ULK2: variants seen among roughly 807,000 people sequenced by gnomAD.
ULK2 encodes unc-51 like autophagy activating kinase 2.
A neutral mutation model predicts 127.5 loss-of-function variants in ULK2; 76 were observed. The ratio of observed to expected loss-of-function variants is 0.60; its 90% CI spans 0.50 to 0.72. ULK2 has a LOEUF of 0.72. ULK2 is among the 30% of genes least tolerant of loss of function. The pLI, the probability that ULK2 is intolerant of heterozygous loss-of-function variation, is 0.00. For synonymous variants in ULK2, 452 were observed against 461.9 expected (o/e 0.98, Z 0.28); for missense variants, 1,144 against 1,295.9 (o/e 0.88, Z 1.80).
chr17:19,829,922 C>T (rs185639355), intron 10 of ULK2, among the ~76,000 whole-genome samples: 1 of 151,772 alleles, frequency 6.6e-6, no homozygotes, highest in African/African-American at 2.4e-5. Context: ...CAATCAGAGC[C>T]CCAAAATACA....
At chr17:19,807,344 G>A (rs1169741886) in intron 14 of ULK2, among the ~76,000 whole-genome samples, 1 of 152,166 alleles carries the variant, frequency 6.6e-6, no homozygotes, top group South Asian at 2.1e-4. Flanking sequence ...AATCAGAAGG[G>A]TAGAAATCCA....
chr17:19,788,542 G>T lies in ULK2; in HGVS notation c.2102-2456C>A, dbSNP rs138600046. On this transcript the variant is annotated intron_variant, in intron 20 of 26. Transcript: ENST00000395544. Reference sequence around the variant, plus strand: ...ATCACCTGCTGACTGAAGAGTCCTCGGGCCCTGAATAACCAATAATACTAC... The same window carrying T: ...ATCACCTGCTGACTGAAGAGTCCTCTGGCCCTGAATAACCAATAATACTAC... 2.0e-3 allele frequency among the ~76,000 whole-genome samples: 307 copies of T among 151,840 alleles called. 2 individuals are homozygous for T. Among genetic ancestry groups the T allele is most frequent in the African/African-American group, 7.2e-3 (297 of 41,412 alleles).
At chr17:19,832,645 C>T (rs1304973426) in intron 10 of ULK2, among the ~76,000 whole-genome samples, 1 of 152,110 alleles carries the variant, frequency 6.6e-6, no homozygotes, top group African/African-American at 2.4e-5. Flanking sequence ...CAAAGCACCA[C>T]CTTTGACCAA....
chr17:19,809,962 T>C (rs1373921163), intron 14 of ULK2, among the ~76,000 whole-genome samples: 1 of 151,336 alleles, frequency 6.6e-6, no homozygotes, highest in Non-Finnish European at 1.5e-5. Flanking sequence ...CAGGGTGCGG[T>C]GGCTCACGCC....
chr17:19,826,972 G>C (rs918921573), intron 10 of ULK2, among the ~76,000 whole-genome samples: 2 of 146,272 alleles, frequency 1.4e-5, no homozygotes, highest in African/African-American at 5.1e-5. Context: ...AAAAAAAAAA[G>C]AAACTACAAA....
intron 20 of ULK2, 119 bp from the exon 21 acceptor site, chr17:19,786,205 T>G: frequency 1.1e-6 from 1 of 874,850 alleles, no homozygotes; most frequent in Non-Finnish European, 1.6e-6. Context: ...TTTTTTTCCC[T>G]CTTCTTACAA....
At chr17:19,790,664 T>C (rs116758817) in intron 20 of ULK2, among the ~76,000 whole-genome samples, 1,763 of 152,036 alleles carry the variant, frequency 0.012, 35 homozygotes, top group African/African-American at 0.04. Flanking sequence ...AATACAAACA[T>C]TGAATATAAA....
chr17:19,780,346 G>A, intron 25 of ULK2, 126 bp downstream of exon 25: 1 of 788,940 alleles, frequency 1.3e-6, no homozygotes, highest in Non-Finnish European at 1.8e-6. Context: ...TTAGTAGAAG[G>A]CAATCCACAA....
chr17:19,835,986 G>A (rs1408872156), intron 10 of ULK2, among the ~76,000 whole-genome samples: 1 of 151,784 alleles, frequency 6.6e-6, no homozygotes, highest in African/African-American at 2.4e-5. Context: ...AGCCGACTGG[G>A]CCGCGCCCGG....
chr17:19,780,874 T>C, intron 24 of ULK2, 112 bp downstream of exon 24: 1 of 1,125,864 alleles, frequency 8.9e-7, no homozygotes, highest in South Asian at 1.5e-5. Flanking sequence ...CCTTTAAGAA[T>C]ACTGAAAAAT....
At chr17:19,789,973 C>A (rs1385139896) in intron 20 of ULK2, among the ~76,000 whole-genome samples, 1 of 146,804 alleles carries the variant, frequency 6.8e-6, no homozygotes, top group Admixed American at 6.8e-5. Context: ...TAAACAATGA[C>A]CCGATCAAAA....
chr17:19,838,229 T>C (rs1444336310), intron 10 of ULK2, among the ~76,000 whole-genome samples: 1 of 132,228 alleles, frequency 7.6e-6, no homozygotes, highest in East Asian at 2.6e-4. Flanking sequence ...ACTTAGCAAC[T>C]TCTAATATAA....
At chr17:19,841,019 A>G (rs1297704929) in intron 9 of ULK2, among the ~76,000 whole-genome samples, 1 of 152,162 alleles carries the variant, frequency 6.6e-6, no homozygotes, top group African/African-American at 2.4e-5. Context: ...GTCTTAAACT[A>G]TGTGTGTGTA....
chr17:19,772,974 T>TA lies in ULK2; in HGVS notation c.*3374_*3375insT. ...GCCTGGGTGACAGAGCAAGACTGTC[T>TA]CAAAAAAAAAAACCAAAAAACAAAA... is the stretch of plus-strand genomic sequence containing the variant. On this transcript the variant is annotated 3_prime_UTR_variant, in exon 27 of 27. Transcript: ENST00000395544. The TA allele has an allele frequency of 7.1e-6, 1 of 140,572 alleles. No individual in the cohort carries two copies. The highest frequency in any genetic ancestry group is 1.5e-5 in the Non-Finnish European group (1 of 66,712). The allele number at this position is 140,572 out of a possible 1,614,324, so 8.7% of individuals were successfully genotyped here. A position where few individuals can be genotyped will look rare whatever the true frequency, so the allele number is the denominator to read the frequency against.
intron 11 of ULK2, 110 bp downstream of exon 11, chr17:19,826,029 A>T: frequency 1.4e-5 from 3 of 213,246 alleles, no homozygotes; most frequent in Non-Finnish European, 2.9e-5. Flanking sequence ...AATAAATTCA[A>T]TGAAATTTTA....
intron 3 of ULK2, among the ~76,000 whole-genome samples, chr17:19,857,767 C>T (rs375175886): frequency 6.6e-6 from 1 of 152,152 alleles, no homozygotes; most frequent in Admixed American, 6.5e-5. Flanking sequence ...TTTGTACTGT[C>T]CTTAAGATAA....
Position 19,867,446 on chromosome 17 carries a change from G to A in ULK2, c.-29C>T, listed in dbSNP as rs373948426. ...CGCGCCCCCGGGGCACACAGCGGACGGGCGGGCGGCGCAGTGCGGCGCAGG... is the reference window on the plus strand; with the variant it reads ...CGCGCCCCCGGGGCACACAGCGGACAGGCGGGCGGCGCAGTGCGGCGCAGG... On this transcript the variant is annotated 5_prime_UTR_variant, in exon 1 of 27. Transcript: ENST00000395544. 3.6e-5 allele frequency: 57 copies of A among 1,576,512 alleles called. No homozygotes were observed. Among genetic ancestry groups the A allele is most frequent in the Non-Finnish European group, 4.5e-5 (52 of 1,162,668 alleles).
intron 10 of ULK2, among the ~76,000 whole-genome samples, chr17:19,830,967 C>T (rs556456938): frequency 5.3e-4 from 79 of 148,216 alleles, no homozygotes; most frequent in Admixed American, 1.1e-3. Context: ...GTGGAGGTTA[C>T]AGTGAGCCAC....
rs940447683 is a variant in ULK2 at position 19,801,508 on chromosome 17, G to A, written c.1441+269C>T. Among the ~76,000 whole-genome samples the A allele has an allele frequency of 2.6e-5, 4 of 152,296 alleles. No individual in the cohort carries two copies. The East Asian group carries it at 7.7e-4, about 29-fold the overall frequency. On this transcript the variant is annotated intron_variant, in intron 16 of 26. Coordinates refer to ENST00000395544, the MANE Select transcript of ULK2 (RefSeq NM_014683.4). The stretch of plus-strand genomic sequence containing the variant: ...AGGTGAAAAGATCCTTTGAACCTGG[G>A]AAGCAGAGGCTGCAGTGAGCCGAGA...
Sources: gnomAD v4.1 joint callset for allele counts (sites outside exome capture counted in the v4.1 genomes callset) on GRCh38, gnomAD v4.1.1 for gene constraint, MANE v1.5 for transcripts, NCBI Gene and HGNC (gene_info 2026-07-23, HGNC 2026-07-21) for gene names.